SUCLG2: variants seen among roughly 807,000 people sequenced by gnomAD.
SUCLG2 encodes the protein succinate--CoA ligase [GDP-forming] subunit beta, mitochondrial.
A neutral mutation model predicts 47.9 loss-of-function variants in SUCLG2; 42 were observed. The ratio of observed to expected loss-of-function variants is 0.88; its 90% CI spans 0.69 to 1.14. SUCLG2 has a LOEUF of 1.14. Among genes scored for constraint, SUCLG2 ranks in the 50% most tolerant of loss-of-function variants. The probability of loss-of-function intolerance (pLI) is 0.00; values close to 1 mark genes in which losing one functional copy is unlikely to be tolerated. For synonymous variants in SUCLG2, 195 were observed against 197.3 expected (o/e 0.99, Z 0.10); for missense variants, 571 against 525.9 (o/e 1.09, Z -0.84).
chr3:67,506,534 G>T lies in SUCLG2; in HGVS notation c.757+2273C>A, dbSNP rs148778339. ...CTTAATAATTAAAAATCAAACTTCA[G>T]ACTCATGACGTTTTATAAACACAGT... On this transcript the variant is annotated intron_variant, in intron 7 of 10. Coordinates refer to ENST00000307227, the MANE Select transcript of SUCLG2 (RefSeq NM_003848.4). Among the ~76,000 whole-genome samples the T allele has an allele frequency of 4.5e-3, 683 of 152,072 alleles. 8 individuals carry two copies. In the East Asian group the frequency reaches 0.054, roughly 12 times the overall value.
chr3:67,500,313 T>C (rs1705461505), intron 7 of SUCLG2, among the ~76,000 whole-genome samples: 1 of 152,208 alleles, frequency 6.6e-6, no homozygotes, highest in South Asian at 2.1e-4. Context: ...TCAAGCACTT[T>C]GATACAAATC....
intron 2 of SUCLG2, among the ~76,000 whole-genome samples, chr3:67,600,830 A>G (rs1013877974): frequency 6.6e-6 from 1 of 152,204 alleles, no homozygotes; most frequent in Admixed American, 6.5e-5. Flanking sequence ...TGTGGAAGAC[A>G]GCAGAGTGAA....
At chr3:67,512,781 G>A (rs1705830914) in intron 6 of SUCLG2, among the ~76,000 whole-genome samples, 1 of 150,182 alleles carries the variant, frequency 6.7e-6, no homozygotes, top group Admixed American at 6.6e-5. Flanking sequence ...ACAAACTCCC[G>A]TTCTTCTCTT....
chr3:67,590,322 T>C (rs559018957), intron 2 of SUCLG2, among the ~76,000 whole-genome samples: 7 of 152,338 alleles, frequency 4.6e-5, no homozygotes, highest in Admixed American at 1.3e-4. Context: ...CCAAGGCAAC[T>C]GTGGCTTTTG....
intron 9 of SUCLG2, among the ~76,000 whole-genome samples, chr3:67,427,930 T>C (rs1703349107): frequency 6.6e-6 from 1 of 152,164 alleles, no homozygotes; most frequent in South Asian, 2.1e-4. Flanking sequence ...GCGTCCACCA[T>C]TGCTGAGGCT....
chr3:67,410,846 A>T (rs551518649), intron 9 of SUCLG2, among the ~76,000 whole-genome samples: 18 of 152,286 alleles, frequency 1.2e-4, no homozygotes, highest in African/African-American at 4.3e-4. Context: ...TTAACAGATA[A>T]TTGCTTTCAA....
chr3:67,507,821 A>T (rs764259940), intron 7 of SUCLG2, among the ~76,000 whole-genome samples: 2 of 152,218 alleles, frequency 1.3e-5, no homozygotes, highest in Non-Finnish European at 2.9e-5. Flanking sequence ...AACATGCAAG[A>T]CACCGGAGGT....
Position 67,374,972 on chromosome 3 carries a change from A to C in SUCLG2, c.*772T>G. 5 of 985,826 alleles carry C rather than the reference A, an allele frequency of 5.1e-6. No individual in the cohort carries two copies. The highest frequency in any genetic ancestry group is 6.0e-6 in the Non-Finnish European group (5 of 829,916). 61.1% of individuals were successfully genotyped at this position (985,826 alleles called of 1,614,324 possible). A position where few individuals can be genotyped will look rare whatever the true frequency, so the allele number is the denominator to read the frequency against. On this transcript the variant is annotated 3_prime_UTR_variant, in exon 11 of 11. Transcript: ENST00000307227. ...GATCTTCAGTGTTGTCTCATCTTGA[A>C]ATATCTTAATAACAGAGATTTCCAT...
intron 2 of SUCLG2, among the ~76,000 whole-genome samples, chr3:67,571,433 G>C (rs529857708): frequency 6.6e-5 from 10 of 152,258 alleles, no homozygotes; most frequent in African/African-American, 2.2e-4. Context: ...ACAACTCTTG[G>C]AGTAGTGAGA....
intron 2 of SUCLG2, among the ~76,000 whole-genome samples, chr3:67,592,152 G>C (rs1047749078): frequency 6.6e-6 from 1 of 152,198 alleles, no homozygotes; most frequent in Non-Finnish European, 1.5e-5. Flanking sequence ...AAGATCTCAT[G>C]TGGGAAAATT....
chr3:67,466,416 G>T (rs1006966123), intron 9 of SUCLG2, among the ~76,000 whole-genome samples: 3 of 152,176 alleles, frequency 2.0e-5, no homozygotes, highest in African/African-American at 7.2e-5. Flanking sequence ...AATAAAATGG[G>T]CATTAACATA....
intron 1 of SUCLG2, among the ~76,000 whole-genome samples, chr3:67,624,947 T>C (rs1038989620): frequency 3.9e-5 from 6 of 152,174 alleles, no homozygotes; most frequent in Non-Finnish European, 2.9e-5. Flanking sequence ...AAAAGACTCT[T>C]ACAAATAGAC....
At chr3:67,620,296 T>C (rs904413089) in intron 1 of SUCLG2, among the ~76,000 whole-genome samples, 2 of 146,910 alleles carry the variant, frequency 1.4e-5, no homozygotes, top group African/African-American at 2.6e-5. Flanking sequence ...AAGACACACA[T>C]GATGAGGCCG....
chr3:67,392,821 A>ATT (rs1702420827), intron 10 of SUCLG2, among the ~76,000 whole-genome samples: 1 of 140,338 alleles, frequency 7.1e-6, no homozygotes, highest in African/African-American at 2.9e-5. Context: ...TAGTCACTGT[A>ATT]CTTTTTTTTT....
intron 9 of SUCLG2, among the ~76,000 whole-genome samples, chr3:67,408,345 A>G (rs1040001336): frequency 2.6e-5 from 4 of 152,336 alleles, no homozygotes; most frequent in South Asian, 2.1e-4. Context: ...AGGAAAAAAG[A>G]AATAATTTTA....
intron 1 of SUCLG2, among the ~76,000 whole-genome samples, chr3:67,622,038 G>T (rs1324171206): frequency 6.6e-6 from 1 of 152,046 alleles, no homozygotes; most frequent in Non-Finnish European, 1.5e-5. Flanking sequence ...TGCTACAGTG[G>T]CCCATCTGAG....
chr3:67,653,929 T>C (rs1386445567), intron 1 of SUCLG2, among the ~76,000 whole-genome samples: 1 of 152,214 alleles, frequency 6.6e-6, no homozygotes, highest in African/African-American at 2.4e-5. Context: ...GATTTTTCAT[T>C]GGAAAGAGGA....
chr3:67,413,741 A>G (rs1342279279), intron 9 of SUCLG2, among the ~76,000 whole-genome samples: 1 of 152,202 alleles, frequency 6.6e-6, no homozygotes, highest in Admixed American at 6.5e-5. Context: ...ACAGATACAC[A>G]CACAGTACCT....
At chr3:67,444,299 TC>T (rs1483648224) in intron 9 of SUCLG2, among the ~76,000 whole-genome samples, 6 of 51,348 alleles carry the variant, frequency 1.2e-4, no homozygotes, top group Non-Finnish European at 1.9e-4. Context: ...GGGTCAGCCC[TC>T]CCACCCGGCC....
Sources: gnomAD v4.1 joint callset for allele counts (sites outside exome capture counted in the v4.1 genomes callset) on GRCh38, gnomAD v4.1.1 for gene constraint, MANE v1.5 for transcripts, NCBI Gene and HGNC (gene_info 2026-07-23, HGNC 2026-07-21) for gene names.